Variants in NEGR1 observed in about 807,000 individuals in gnomAD.
NEGR1 encodes IgLON family member 4.
Under a neutral mutation model 40.9 loss-of-function variants are expected in NEGR1, and 10 were observed. That is an observed-to-expected ratio of 0.24 (90% confidence interval 0.15 to 0.42). NEGR1 has a LOEUF of 0.42. Ranked by LOEUF, NEGR1 falls within the 10% of genes least tolerant of loss-of-function variation. The probability of loss-of-function intolerance (pLI) is 1.00; values close to 1 mark genes in which losing one functional copy is unlikely to be tolerated. For missense variants in NEGR1, 352 were observed against 438.9 expected, an observed-to-expected ratio of 0.80 and a Z score of 1.77; for synonymous variants, 185 against 166.8, an observed-to-expected ratio of 1.11 and a Z score of -0.84.
chr1:72,231,721 G>A (rs989546209), intron 1 of NEGR1, among the ~76,000 whole-genome samples: 23 of 152,064 alleles, frequency 1.5e-4, no homozygotes, highest in Non-Finnish European at 2.4e-4. Flanking sequence ...CTTGAAAACA[G>A]GAGCCATGTT....
intron 6 of NEGR1, among the ~76,000 whole-genome samples, chr1:71,583,753 CTT>C (rs1649211095): frequency 6.6e-6 from 1 of 152,228 alleles, no homozygotes; most frequent in South Asian, 2.1e-4. Flanking sequence ...TGTTGTTACT[CTT>C]GTCTTAGGAA....
At chr1:71,724,146 GCT>G (rs1326280674) in intron 3 of NEGR1, among the ~76,000 whole-genome samples, 1 of 152,108 alleles carries the variant, frequency 6.6e-6, no homozygotes, top group Non-Finnish European at 1.5e-5. Flanking sequence ...GCTTACTGAT[GCT>G]GGATTCATTT....
Position 71,641,955 on chromosome 1 carries a change from T to C in NEGR1, c.668-30809A>G, listed in dbSNP as rs1269225789. 4.6e-5 allele frequency among the ~76,000 whole-genome samples: 7 copies of C among 152,142 alleles called. No individual in the cohort carries two copies. In the East Asian group the frequency reaches 1.4e-3, roughly 30 times the overall value. On this transcript the variant is annotated intron_variant, in intron 4 of 6. Transcript: ENST00000357731. ...CTAATTTATGTTCCCTAAGCTCTTC[T>C]TTAGGATGATCCATATGCTTGGGGC...
At chr1:71,449,290 A>G (rs1646606999) in intron 6 of NEGR1, among the ~76,000 whole-genome samples, 1 of 152,220 alleles carries the variant, frequency 6.6e-6, no homozygotes, top group African/African-American at 2.4e-5. Flanking sequence ...ACTTGATTTG[A>G]CACTGTTTAC....
intron 3 of NEGR1, among the ~76,000 whole-genome samples, chr1:71,766,385 C>T (rs1054109297): frequency 4.6e-5 from 7 of 152,138 alleles, no homozygotes; most frequent in African/African-American, 1.7e-4. Flanking sequence ...AGCCTTAATG[C>T]CTATGATAAT....
intron 6 of NEGR1, among the ~76,000 whole-genome samples, chr1:71,563,660 T>C (rs1648530188): frequency 6.6e-6 from 1 of 152,018 alleles, no homozygotes; most frequent in Non-Finnish European, 1.5e-5. Flanking sequence ...TTTGTCGTTG[T>C]TATATTTGTT....
intron 1 of NEGR1, among the ~76,000 whole-genome samples, chr1:72,126,134 T>TGTGTGA (rs1405372516): frequency 4.4e-5 from 6 of 136,990 alleles, no homozygotes; most frequent in South Asian, 2.3e-4. Context: ...TGTGTGTGTG[T>TGTGTGA]GAAAGACAGA....
chr1:71,540,078 G>A (rs1010560840), intron 6 of NEGR1, among the ~76,000 whole-genome samples: 1 of 151,570 alleles, frequency 6.6e-6, no homozygotes, highest in African/African-American at 2.4e-5. Flanking sequence ...AAGAACTTTG[G>A]GTTTTAGTGA....
intron 1 of NEGR1, among the ~76,000 whole-genome samples, chr1:72,087,936 G>A (rs1648290821): frequency 6.6e-6 from 1 of 151,920 alleles, no homozygotes; most frequent in Admixed American, 6.6e-5. Flanking sequence ...CTTTATGGCA[G>A]AATAAACAAA....
At chr1:72,204,982 T>C (rs1653342166) in intron 1 of NEGR1, among the ~76,000 whole-genome samples, 1 of 151,988 alleles carries the variant, frequency 6.6e-6, no homozygotes, top group Non-Finnish European at 1.5e-5. Flanking sequence ...CTGTGGAATA[T>C]GATATAAAAC....
chr1:71,527,162 T>C (rs769598822), intron 6 of NEGR1, among the ~76,000 whole-genome samples: 9 of 151,608 alleles, frequency 5.9e-5, no homozygotes, highest in Non-Finnish European at 1.2e-4. Context: ...CTCTCATTCA[T>C]TGAAATGTGA....
intron 1 of NEGR1, chr1:72,275,041 C>T (rs1452774440): frequency 1.5e-5 from 23 of 1,501,516 alleles, no homozygotes; most frequent in Non-Finnish European, 2.1e-5. Context: ...AGCTTTGGAG[C>T]TCTTGGAACC....
At chr1:72,162,615 C>T (rs1326607181) in intron 1 of NEGR1, among the ~76,000 whole-genome samples, 1 of 152,140 alleles carries the variant, frequency 6.6e-6, no homozygotes, top group South Asian at 2.1e-4. Context: ...ATAGCAAACA[C>T]AACATAGCCA....
At chr1:72,173,439 G>A (rs767694902) in intron 1 of NEGR1, among the ~76,000 whole-genome samples, 6 of 150,818 alleles carry the variant, frequency 4.0e-5, no homozygotes, top group Non-Finnish European at 2.9e-5. Context: ...TTATCACCTC[G>A]AATGAAACAA....
At chr1:72,160,888 G>A (rs1280966491) in intron 1 of NEGR1, among the ~76,000 whole-genome samples, 6 of 152,064 alleles carry the variant, frequency 3.9e-5, no homozygotes, top group African/African-American at 1.4e-4. Context: ...CAATCCTTTG[G>A]TTCTTAGGGA....
intron 1 of NEGR1, among the ~76,000 whole-genome samples, chr1:72,272,903 G>T (rs1435599992): frequency 6.6e-6 from 1 of 151,968 alleles, no homozygotes; most frequent in African/African-American, 2.4e-5. Flanking sequence ...ATTCAAAAGA[G>T]CAACATTTAA....
rs1654038088 is a variant in NEGR1 at position 72,222,270 on chromosome 1, C to T, written c.176+60049G>A. Among the ~76,000 whole-genome samples, 3 of 152,134 alleles carry T rather than the reference C, an allele frequency of 2.0e-5. No homozygotes were observed. The South Asian group carries it at 6.2e-4, about 32-fold the overall frequency. On this transcript the variant is annotated intron_variant, in intron 1 of 6. Transcript: ENST00000357731. Reference sequence around the variant, plus strand: ...CTGCAAACCTAAAAAACAGGTCTACCCCAGTGGGCACCTGCAAAAGGCCAG... The same window carrying T: ...CTGCAAACCTAAAAAACAGGTCTACTCCAGTGGGCACCTGCAAAAGGCCAG...
chr1:71,983,981 A>ACCTCGGCCCCCC (rs1646375207), intron 1 of NEGR1, among the ~76,000 whole-genome samples: 1 of 117,776 alleles, frequency 8.5e-6, no homozygotes, highest in East Asian at 5.8e-4. Flanking sequence ...AAGGAGTCTC[A>ACCTCGGCCCCCC]AAACTTTCAT....
chr1:72,202,390 C>A (rs1004306609), intron 1 of NEGR1, among the ~76,000 whole-genome samples: 5 of 151,838 alleles, frequency 3.3e-5, no homozygotes, highest in African/African-American at 1.2e-4. Context: ...CACTTCAAAT[C>A]AAAAGCTAGA....
Sources: gnomAD v4.1 joint callset for allele counts (sites outside exome capture counted in the v4.1 genomes callset) on GRCh38, gnomAD v4.1.1 for gene constraint, MANE v1.5 for transcripts, NCBI Gene and HGNC (gene_info 2026-07-23, HGNC 2026-07-21) for gene names.